The following CCNK variants were observed in gnomAD, a reference collection of about 807,000 sequenced individuals.
The protein encoded by CCNK is cyclin-K.
A neutral mutation model predicts 65.0 loss-of-function variants in CCNK; 9 were observed. The observed-to-expected ratio is 0.14, with a 90% CI of 0.08 to 0.24. CCNK has a LOEUF of 0.24. Ranked by LOEUF, CCNK falls within the 10% of genes least tolerant of loss-of-function variation. CCNK has a pLI of 1.00. For synonymous variants in CCNK, 279 were observed against 270.8 expected, an observed-to-expected ratio of 1.03 and a Z score of -0.30; for missense variants, 474 against 720.0, an observed-to-expected ratio of 0.66 and a Z score of 3.91.
intron 10 of CCNK, chr14:99,507,396 G>T: frequency 4.2e-6 from 2 of 480,656 alleles, no homozygotes; most frequent in Non-Finnish European, 7.7e-6. Context: ...GGGCAACAAA[G>T]TGAGACCCTG....
At chr14:99,488,269 CT>C (rs202158382) in intron 1 of CCNK, among the ~76,000 whole-genome samples, 27 of 145,032 alleles carry the variant, frequency 1.9e-4, no homozygotes, top group African/African-American at 2.9e-4. Flanking sequence ...TTTGAAATTT[CT>C]TTTTTTTAAA....
chr14:99,500,040 C>G (rs574882607), intron 4 of CCNK: 1 of 152,240 alleles, frequency 6.6e-6, no homozygotes, highest in African/African-American at 2.4e-5. Context: ...TGTATCCCAC[C>G]CAAATCCCTT....
At chr14:99,493,432 G>A (rs562092516) in intron 2 of CCNK, 82 bp from the exon 3 acceptor site, 1 of 793,074 alleles carries the variant, frequency 1.3e-6, no homozygotes, top group Non-Finnish European at 2.1e-6. Flanking sequence ...TGTTGTTGTT[G>A]TTTGTCTTTT....
intron 1 of CCNK, among the ~76,000 whole-genome samples, chr14:99,490,771 C>CA (rs1353155094): frequency 6.6e-6 from 1 of 151,750 alleles, no homozygotes; most frequent in Non-Finnish European, 1.5e-5. Context: ...ACTAAAAATA[C>CA]AAAAAAATTA....
chr14:99,493,301 T>C (rs1896633200), intron 2 of CCNK, among the ~76,000 whole-genome samples: 1 of 152,124 alleles, frequency 6.6e-6, no homozygotes, highest in Admixed American at 6.6e-5. Context: ...AGTTGAAGTG[T>C]TTCTAAAGGG....
chr14:99,501,430 GTTGA>G lies in CCNK; in HGVS notation c.575+20_575+23del. ...AAATGACAGGTATACATGTTCAAAT[GTTGA>G]TTAATTACAGTATTTTAAAATAGGC... On this transcript the variant is annotated intron_variant, in intron 6 of 10. Transcript: ENST00000389879. The G allele has an allele frequency of 6.6e-7, 1 of 1,512,972 alleles. No individual in the cohort carries two copies. Among genetic ancestry groups the G allele is most frequent in the Admixed American group, 1.7e-5 (1 of 59,590 alleles). 93.7% of individuals were successfully genotyped at this position (1,512,972 alleles called of 1,614,324 possible).
At chr14:99,485,622 T>C (rs1896465752) in intron 1 of CCNK, among the ~76,000 whole-genome samples, 1 of 152,160 alleles carries the variant, frequency 6.6e-6, no homozygotes, top group African/African-American at 2.4e-5. Context: ...CTGAAAAATA[T>C]ATAAAAACCA....
intron 2 of CCNK, among the ~76,000 whole-genome samples, chr14:99,493,289 A>G (rs1896633041): frequency 6.6e-6 from 1 of 152,166 alleles, no homozygotes; most frequent in Non-Finnish European, 1.5e-5. Context: ...AAAAAAGATC[A>G]TAGTTGAAGT....
intron 9 of CCNK, chr14:99,506,556 C>T: frequency 6.4e-6 from 1 of 156,344 alleles, no homozygotes; most frequent in Non-Finnish European, 1.4e-5. Context: ...CAGAGCTCTG[C>T]TGACTCCAGT....
chr14:99,481,797 C>T (rs1896334478), intron 1 of CCNK, among the ~76,000 whole-genome samples: 1 of 152,206 alleles, frequency 6.6e-6, no homozygotes, highest in Non-Finnish European at 1.5e-5. Context: ...CGGTGTTAAC[C>T]GCGCACAGTC....
chr14:99,502,890 A>AC lies in CCNK; in HGVS notation c.922dup (p.Gln308ProfsTer27). ...GAACCATCCCAGCCCCAGCAGAAGG[A>AC]CCCCCAGCAACCAGCCCAGCAGCAG... is the stretch of plus-strand genomic sequence containing the variant. On this transcript the variant is annotated frameshift_variant, in exon 8 of 11. Transcript: ENST00000389879. LOFTEE classifies it high-confidence loss of function. 1 of 1,613,218 alleles carries AC rather than the reference A, an allele frequency of 6.2e-7. No homozygotes were observed. The highest frequency in any genetic ancestry group is 8.5e-7 in the Non-Finnish European group (1 of 1,179,596).
chr14:99,488,140 TAA>T (rs1177477329), intron 1 of CCNK, among the ~76,000 whole-genome samples: 1 of 152,160 alleles, frequency 6.6e-6, no homozygotes, highest in Non-Finnish European at 1.5e-5. Context: ...CTGCTAAGAA[TAA>T]AGTCATTCTC....
rs772265080 is a variant in CCNK at position 99,495,480 on chromosome 14, C to T, written c.280-18C>T. The stretch of plus-strand genomic sequence containing the variant: ...GACCTTTGATAACAAAAATCAAGAA[C>T]TTTTGTTTCCCTTTTAGGTGACAGG... On this transcript the variant is annotated intron_variant, in intron 3 of 10. Transcript: ENST00000389879. 1.9e-6 allele frequency: 3 copies of T among 1,593,832 alleles called. No homozygotes were observed. The highest frequency in any genetic ancestry group is 2.6e-6 in the Non-Finnish European group (3 of 1,173,850).
At chr14:99,483,887 G>T (rs555636595) in intron 1 of CCNK, among the ~76,000 whole-genome samples, 5 of 152,162 alleles carry the variant, frequency 3.3e-5, no homozygotes, top group African/African-American at 9.7e-5. Flanking sequence ...GATAAGCAGC[G>T]TGATTCTCAA....
chr14:99,495,463 A>G (rs1896681216), intron 3 of CCNK, 35 bp from the exon 4 acceptor site: 2 of 1,588,062 alleles, frequency 1.3e-6, no homozygotes, highest in East Asian at 4.5e-5. Flanking sequence ...GTGACCTTTG[A>G]TAACAAAAAT....
chr14:99,491,862 G>C (rs1202325046), intron 1 of CCNK: 1 of 152,176 alleles, frequency 6.6e-6, no homozygotes, highest in Admixed American at 6.5e-5. Context: ...CTCTGATCCA[G>C]GTTACAAATG....
chr14:99,489,304 G>T (rs1485362450), intron 1 of CCNK, among the ~76,000 whole-genome samples: 1 of 151,392 alleles, frequency 6.6e-6, no homozygotes, highest in African/African-American at 2.4e-5. Flanking sequence ...TCCACAACAT[G>T]CAAAAAAAAA....
At chr14:99,485,406 C>T (rs1896460025) in intron 1 of CCNK, among the ~76,000 whole-genome samples, 1 of 152,128 alleles carries the variant, frequency 6.6e-6, no homozygotes. Flanking sequence ...TTTTTAGTTA[C>T]TTCCTCCCCC....
At position 99,510,593 on chromosome 14, in the gene CCNK, ACCCCCACC is replaced by A; in HGVS notation, c.1558_1565del (p.Pro520ThrfsTer61). ...CACCCACCTACAACCCCAACTTCCC[ACCCCCACC>A]CCCACGCCTCCCGCCTACCCACGCA... On this transcript the variant is annotated frameshift_variant, in exon 11 of 11. Transcript: ENST00000389879. LOFTEE classifies it high-confidence loss of function. 1 of 274,014 alleles carries A rather than the reference ACCCCCACC, an allele frequency of 3.6e-6. No homozygotes were observed. Among genetic ancestry groups the A allele is most frequent in the Non-Finnish European group, 6.4e-6 (1 of 155,804 alleles). 17.0% of individuals were successfully genotyped at this position (274,014 alleles called of 1,614,324 possible).
Sources: gnomAD v4.1 joint callset for allele counts (sites outside exome capture counted in the v4.1 genomes callset) on GRCh38, gnomAD v4.1.1 for gene constraint, MANE v1.5 for transcripts, NCBI Gene and HGNC (gene_info 2026-07-23, HGNC 2026-07-21) for gene names.